Variants in PTCH1 observed in about 807,000 individuals in gnomAD.
The protein encoded by PTCH1 is patched 1, also known as protein patched homolog 1.
Under a neutral mutation model 144.6 loss-of-function variants are expected in PTCH1, and 14 were observed. The ratio of observed to expected loss-of-function variants is 0.10; its 90% CI spans 0.06 to 0.15. The LOEUF (loss-of-function observed/expected upper bound fraction) is 0.15. Among genes scored for constraint, PTCH1 ranks in the 10% least tolerant of loss-of-function variants. The pLI is 1.00. For missense variants in PTCH1, 1,623 were observed against 1,948.3 expected, an observed-to-expected ratio of 0.83 and a Z score of 3.14; for synonymous variants, 833 against 793.6, an observed-to-expected ratio of 1.05 and a Z score of -0.83.
At position 95,480,537 on chromosome 9, in the gene PTCH1, T is replaced by C. The variant is rs752770437; in HGVS notation, c.798A>G (p.Glu266=). The C allele has an allele frequency of 1.2e-6, 2 of 1,613,614 alleles. No homozygotes were observed. Among genetic ancestry groups the C allele is most frequent in the Admixed American group, 1.7e-5 (1 of 59,946 alleles). ...WTNFDPLEFL[E]ELKKINYQVD... Reference sequence around the variant, plus strand: ...CTTGATAGTTTATTTTCTTTAACTCTTCCAGGAATTCCAAAGGGTCGAAGT... The same window carrying C: ...CTTGATAGTTTATTTTCTTTAACTCCTCCAGGAATTCCAAAGGGTCGAAGT... The change falls in exon 6 of 24, where the codon GAA becomes GAG. Residue 266 remains glutamate, a synonymous_variant. Transcript: ENST00000331920.
chr9:95,485,955 T>C (rs1841937452), intron 2 of PTCH1, 81 bp from the exon 3 acceptor site: 5 of 1,472,344 alleles, frequency 3.4e-6, no homozygotes, highest in Non-Finnish European at 4.7e-6. Context: ...CTACCTGCCA[T>C]AGGATACACA....
At chr9:95,502,691 T>C (rs1843231556) in intron 2 of PTCH1, among the ~76,000 whole-genome samples, 1 of 152,154 alleles carries the variant, frequency 6.6e-6, no homozygotes, top group African/African-American at 2.4e-5. Context: ...AATACAATAA[T>C]TCTTATCACC....
At position 95,447,648 on chromosome 9, in the gene PTCH1, A is replaced by T. The variant is rs76562151; in HGVS notation, c.3805-197T>A. On this transcript the variant is annotated intron_variant, in intron 22 of 23. Transcript: ENST00000331920. ...CTGGCGGAGGAGCGTGTTGTTTGAA[A>T]ATCCTGTTTCCAGGCTTTCTCTGAC... Among the ~76,000 whole-genome samples the T allele has an allele frequency of 0.019, 2,939 of 152,290 alleles. 95 individuals carry two copies. Among genetic ancestry groups the T allele is most frequent in the African/African-American group, 0.064 (2,673 of 41,562 alleles).
At chr9:95,468,352 T>G (rs1348576245) in intron 14 of PTCH1, among the ~76,000 whole-genome samples, 2 of 152,180 alleles carry the variant, frequency 1.3e-5, no homozygotes, top group African/African-American at 4.8e-5. Flanking sequence ...CCACCACACC[T>G]GTCCCTGGCT....
chr9:95,507,632 C>A, intron 1 of PTCH1: 1 of 251,422 alleles, frequency 4.0e-6, no homozygotes, highest in Non-Finnish European at 6.3e-6. Flanking sequence ...TCAACAAAAC[C>A]AAAACTGGCT....
chr9:95,453,591 G>A lies in PTCH1; in HGVS notation c.3336C>T (p.Asn1112=). ...LAFLTAIGDK[N]RRAVLALEHM... is the part of the protein sequence containing the mutation. ...GCTCCAGGGCAAGCACAGCCCTGCG[G>A]TTCTTGTCGCCGATGGCCGTCAGAA... Residue 1112 remains asparagine (N), a synonymous_variant, in exon 20 of 24, where the codon AAC becomes AAT. Transcript: ENST00000331920. 1 of 1,614,002 alleles carries A rather than the reference G, an allele frequency of 6.2e-7. No individual in the cohort carries two copies.
chr9:95,513,017 C>G (rs147338669), upstream of PTCH1, among the ~76,000 whole-genome samples: 1 of 152,332 alleles, frequency 6.6e-6, no homozygotes, highest in Non-Finnish European at 1.5e-5. Flanking sequence ...ATGCCTTAAG[C>G]TCTCCGGATT....
intron 2 of PTCH1, among the ~76,000 whole-genome samples, chr9:95,487,767 G>A (rs1288716659): frequency 2.0e-5 from 3 of 152,150 alleles, no homozygotes; most frequent in African/African-American, 4.8e-5. Flanking sequence ...CAGCATGCAC[G>A]TGGTTTTTCA....
rs117873587 is a variant in PTCH1 at position 95,469,232 on chromosome 9, T to C, written c.1848-79A>G. ...TTTCATTCTGCCATTTTTCACTGTG[T>C]ACGGAGAATACCCATTTTACACAGC... On this transcript the variant is annotated intron_variant, in intron 13 of 23. Coordinates refer to ENST00000331920, the MANE Select transcript of PTCH1 (RefSeq NM_000264.5). The C allele has an allele frequency of 2.7e-4, 423 of 1,563,624 alleles. 4 individuals carry two copies. The East Asian group carries it at 9.3e-3, about 34-fold the overall frequency.
chr9:95,477,410 C>T, intron 10 of PTCH1, 137 bp downstream of exon 10: 1 of 1,216,422 alleles, frequency 8.2e-7, no homozygotes, highest in Non-Finnish European at 1.2e-6. Flanking sequence ...CCCCTGAAAC[C>T]AGTAGCATCC....
rs1355576533 is a variant in PTCH1 at position 95,516,437 on chromosome 9, G to A, written c.3+32C>T. On this transcript the variant is annotated intron_variant, in intron 1 of 22. Transcript: ENST00000430669. Reference sequence around the variant, plus strand: ...GGAGCACGGCGCGCGAGGCGAGGTGGCGTCGGCGGCCGCCGCGCTGGCTGC... The same window carrying A: ...GGAGCACGGCGCGCGAGGCGAGGTGACGTCGGCGGCCGCCGCGCTGGCTGC... The A allele has an allele frequency of 2.2e-6, 3 of 1,388,986 alleles. No homozygotes were observed. The East Asian group carries it at 9.2e-5, about 43-fold the overall frequency. The allele number at this position is 1,388,986 out of a possible 1,614,324, so 86.0% of individuals were successfully genotyped here. A position where few individuals can be genotyped will look rare whatever the true frequency, so the allele number is the denominator to read the frequency against.
chr9:95,447,553 A>G, intron 22 of PTCH1, 102 bp from the exon 23 acceptor site: 1 of 1,306,282 alleles, frequency 7.7e-7, no homozygotes, highest in Non-Finnish European at 1.0e-6. Context: ...AGACTCAGTC[A>G]ACCCTGGGGA....
In PTCH1 at chr9:95,508,677, C is replaced by G. The variant is rs1302793014; in HGVS notation, c.-316G>C. On this transcript the variant is annotated 5_prime_UTR_variant, in exon 1 of 24. Coordinates refer to ENST00000331920, the MANE Select transcript of PTCH1 (RefSeq NM_000264.5). ...CATCCAGTTCGCGGAAGAGCGAGAGCCGGCGCGCCGAGCGAGCCTGTCCTT... is the reference window on the plus strand; with the variant it reads ...CATCCAGTTCGCGGAAGAGCGAGAGGCGGCGCGCCGAGCGAGCCTGTCCTT... 14 of 987,516 alleles carry G rather than the reference C, an allele frequency of 1.4e-5. No homozygotes were observed. Among genetic ancestry groups the G allele is most frequent in the Non-Finnish European group, 1.7e-5 (14 of 831,560 alleles). 61.2% of individuals were successfully genotyped at this position (987,516 alleles called of 1,614,324 possible).
In PTCH1 at chr9:95,483,872, A is replaced by G. The variant is rs1221071370; in HGVS notation, c.585-1669T>C. The G allele has an allele frequency of 2.0e-5, 3 of 152,194 alleles. 1 individual carries two copies. The East Asian group carries it at 5.8e-4, about 29-fold the overall frequency. 9.4% of individuals were successfully genotyped at this position (152,194 alleles called of 1,614,324 possible). Reference sequence around the variant, plus strand: ...TATTACTTGATCAACTCTCATTTACACTTGAGAAGGACATCATTGTGCATT... The same window carrying G: ...TATTACTTGATCAACTCTCATTTACGCTTGAGAAGGACATCATTGTGCATT... On this transcript the variant is annotated intron_variant, in intron 3 of 23. Coordinates refer to ENST00000331920, the MANE Select transcript of PTCH1 (RefSeq NM_000264.5).
chr9:95,501,968 G>A (rs897847996), intron 2 of PTCH1, among the ~76,000 whole-genome samples: 2 of 152,192 alleles, frequency 1.3e-5, no homozygotes, highest in African/African-American at 2.4e-5. Context: ...GAGCACACTC[G>A]TGAGACAGGG....
intron 12 of PTCH1, among the ~76,000 whole-genome samples, chr9:95,472,775 A>G (rs999027568): frequency 6.6e-6 from 1 of 152,282 alleles, no homozygotes; most frequent in East Asian, 1.9e-4. Context: ...CTTTCTCATA[A>G]CCTACTACAT....
intron 1 of PTCH1, 161 bp downstream of exon 1, chr9:95,508,000 A>G (rs1351444662): frequency 1.3e-6 from 2 of 1,515,934 alleles, no homozygotes; most frequent in Non-Finnish European, 1.8e-6. Flanking sequence ...TGAATTTTTC[A>G]ATCCCCATTT....
intron 16 of PTCH1, among the ~76,000 whole-genome samples, chr9:95,460,826 C>T (rs904240957): frequency 5.9e-5 from 9 of 152,168 alleles, no homozygotes; most frequent in African/African-American, 1.4e-4. Flanking sequence ...TCGCCCAGCC[C>T]TGCTGCCTGG....
chr9:95,475,196 C>T (rs929260786), intron 12 of PTCH1, among the ~76,000 whole-genome samples: 15 of 152,180 alleles, frequency 9.9e-5, no homozygotes, highest in Non-Finnish European at 1.0e-4. Flanking sequence ...AGGCGCAGAA[C>T]GGACTACAGC....
Sources: allele counts gnomAD v4.1 joint callset (sites outside exome capture counted in the v4.1 genomes callset), GRCh38; gene constraint gnomAD v4.1.1; transcripts MANE v1.5; gene names NCBI Gene and HGNC (gene_info 2026-07-23, HGNC 2026-07-21).